SH3PXD2B: variants seen among roughly 807,000 people sequenced by gnomAD.
SH3PXD2B encodes the protein SH3 and PX domains 2B.
SH3PXD2B carries 37 observed loss-of-function variants against 73.1 expected under a neutral mutation model. That is an observed-to-expected ratio of 0.51 (90% CI 0.39 to 0.67). The LOEUF is 0.67. SH3PXD2B is among the 30% of genes least tolerant of loss of function. The pLI, the probability that SH3PXD2B is intolerant of heterozygous loss-of-function variation, is 0.00. For missense variants in SH3PXD2B, 1,053 were observed against 1,197.8 expected (o/e 0.88, Z 1.78); for synonymous variants, 457 against 480.5 (o/e 0.95, Z 0.64).
In SH3PXD2B at chr5:172,339,444, G is replaced by T. The variant is rs1167791216; in HGVS notation, c.1661C>A (p.Pro554His). 4 of 1,614,048 alleles carry T rather than the reference G, an allele frequency of 2.5e-6. 1 individual carries two copies. The South Asian group carries it at 4.4e-5, about 18-fold the overall frequency. ...CGGCAAAATCACGCCCGGAGGCTTG[G>T]GAGTGGGGCCCCGGAGCTGCTCCGT... ...QRTEQLRGPT[P>H]KPPGVILPMM... The change falls in exon 13 of 13, where the codon CCC (proline) becomes CAC (histidine). Residue 554 changes from proline (P) to histidine (H), a missense_variant. Around this residue, in one of 2 missense-constraint regions of SH3PXD2B, gnomAD observed 587 missense variants for 590.7 expected, o/e 0.99. Transcript: ENST00000311601. This position sits in a 1 kb window ranked among gnomAD's most constrained non-coding sequence, Gnocchi z 6.1.
chr5:172,333,756 A>G lies in SH3PXD2B; in HGVS notation c.*4613T>C. 7.8e-7 allele frequency: 1 copy of G among 1,289,400 alleles called. No homozygotes were observed. The highest frequency in any genetic ancestry group is 2.3e-5 in the Admixed American group (1 of 43,456). The allele number at this position is 1,289,400 out of a possible 1,614,324, so 79.9% of individuals were successfully genotyped here. On this transcript the variant is annotated 3_prime_UTR_variant, in exon 13 of 13. Transcript: ENST00000311601. ...TATGAGCAGACACGAGGTGGTGGGC[A>G]GTGCCCACTGTTCCTGGAGGGAGGT...
At chr5:172,439,494 C>T (rs1008346279) in intron 1 of SH3PXD2B, among the ~76,000 whole-genome samples, 1 of 152,066 alleles carries the variant, frequency 6.6e-6, no homozygotes, top group African/African-American at 2.4e-5. Flanking sequence ...GTGCTTGGCA[C>T]ACCATCTGGT....
At chr5:172,374,973 A>G (rs1352392884) in intron 5 of SH3PXD2B, among the ~76,000 whole-genome samples, 1 of 152,214 alleles carries the variant, frequency 6.6e-6, no homozygotes, top group Non-Finnish European at 1.5e-5. Context: ...TAATTTGCTC[A>G]AGGTCACACA....
chr5:172,411,519 T>C (rs938736904), intron 2 of SH3PXD2B, among the ~76,000 whole-genome samples: 1 of 152,198 alleles, frequency 6.6e-6, no homozygotes, highest in African/African-American at 2.4e-5. Flanking sequence ...ACATGACTGC[T>C]GGGGACCCAA....
chr5:172,375,346 C>T (rs113323624), intron 5 of SH3PXD2B, among the ~76,000 whole-genome samples: 221 of 152,224 alleles, frequency 1.5e-3, no homozygotes, highest in African/African-American at 5.1e-3. Context: ...GGAGACAGAC[C>T]GAGACTCTGT....
At chr5:172,453,554 C>T (rs1391637071) in intron 1 of SH3PXD2B, among the ~76,000 whole-genome samples, 2 of 152,208 alleles carry the variant, frequency 1.3e-5, no homozygotes, top group African/African-American at 4.8e-5. Flanking sequence ...GGACCTGCAA[C>T]CTCTGAGCCT....
intron 12 of SH3PXD2B, among the ~76,000 whole-genome samples, chr5:172,325,581 C>T (rs1283217798): frequency 6.6e-6 from 1 of 152,160 alleles, no homozygotes; most frequent in Non-Finnish European, 1.5e-5. Flanking sequence ...ATGGCCTTCT[C>T]GCTGGGTCCT....
chr5:172,432,419 C>G (rs1404036306), intron 1 of SH3PXD2B, among the ~76,000 whole-genome samples: 1 of 152,094 alleles, frequency 6.6e-6, no homozygotes, highest in Non-Finnish European at 1.5e-5. Context: ...GACAAGGATT[C>G]TTGTTAAGAG....
chr5:172,391,144 A>T (rs1191036844), intron 4 of SH3PXD2B, among the ~76,000 whole-genome samples: 3 of 151,938 alleles, frequency 2.0e-5, no homozygotes, highest in Non-Finnish European at 4.4e-5. Flanking sequence ...CCCGGCTTGC[A>T]GCTTCCTATC....
chr5:172,407,908 CG>C (rs1402155684), intron 2 of SH3PXD2B, among the ~76,000 whole-genome samples: 1 of 152,190 alleles, frequency 6.6e-6, no homozygotes, highest in Non-Finnish European at 1.5e-5. Flanking sequence ...GCCAACAAAG[CG>C]GAGGGGCCAG....
At chr5:172,401,539 T>C (rs1424226235) in intron 3 of SH3PXD2B, among the ~76,000 whole-genome samples, 1 of 152,126 alleles carries the variant, frequency 6.6e-6, no homozygotes, top group African/African-American at 2.4e-5. Flanking sequence ...GAATCCGGCA[T>C]CAAAATTGAG....
At chr5:172,384,096 C>T (rs1485169086) in intron 4 of SH3PXD2B, among the ~76,000 whole-genome samples, 6 of 151,984 alleles carry the variant, frequency 3.9e-5, no homozygotes, top group East Asian at 3.9e-4. Flanking sequence ...CCACCCACCT[C>T]GGCTCCCAAA....
At chr5:172,413,687 CTCTT>C (rs1305823877) in intron 2 of SH3PXD2B, among the ~76,000 whole-genome samples, 18 of 152,332 alleles carry the variant, frequency 1.2e-4, no homozygotes, top group Admixed American at 6.5e-4. Context: ...ATAATCATGC[CTCTT>C]TCTATTTTAG....
chr5:172,338,794 A>C lies in SH3PXD2B; in HGVS notation c.2311T>G (p.Ser771Ala). Reference protein sequence around the residue: ...RPPPPKKTSSSSRPLPEVRGP... With the variant: ...RPPPPKKTSSASRPLPEVRGP... ...CTGACCTCTGGGAGCGGCCTGGATG[A>C]CGAAGAGGTTTTCTTTGGGGGAGGT... The change falls in exon 13 of 13, where the codon TCA becomes GCA. Residue 771 changes from serine to alanine, a missense_variant. By Grantham distance (99) the Ser-to-Ala change is moderately conservative. Around this residue, in one of 2 missense-constraint regions of SH3PXD2B, gnomAD observed 587 missense variants for 590.7 expected, o/e 0.99. Coordinates refer to ENST00000311601, the MANE Select transcript of SH3PXD2B (RefSeq NM_001017995.3). This position sits in a 1 kb window ranked among gnomAD's most constrained non-coding sequence, Gnocchi z 5.1. 6.2e-7 allele frequency: 1 copy of C among 1,614,186 alleles called. No individual in the cohort carries two copies. Among genetic ancestry groups the C allele is most frequent in the Non-Finnish European group, 8.5e-7 (1 of 1,180,020 alleles).
At chr5:172,395,900 T>C (rs12654634) in intron 3 of SH3PXD2B, among the ~76,000 whole-genome samples, 45,793 of 149,474 alleles carry the variant, frequency 0.31, 7,451 homozygotes, top group East Asian at 0.66. Flanking sequence ...TACTAAGAGC[T>C]CTCTCTATTT....
chr5:172,377,232 C>T (rs1366448429), intron 5 of SH3PXD2B, among the ~76,000 whole-genome samples: 1 of 152,108 alleles, frequency 6.6e-6, no homozygotes, highest in Admixed American at 6.5e-5. Context: ...CCCAAGTTTT[C>T]CTACTCATGG....
At chr5:172,413,176 C>T (rs567019780) in intron 2 of SH3PXD2B, among the ~76,000 whole-genome samples, 12 of 152,338 alleles carry the variant, frequency 7.9e-5, no homozygotes, top group South Asian at 2.1e-4. Flanking sequence ...GGCCATCATG[C>T]GCAGCTGCAG....
chr5:172,440,618 G>A (rs561889989), intron 1 of SH3PXD2B, among the ~76,000 whole-genome samples: 30 of 152,288 alleles, frequency 2.0e-4, no homozygotes, highest in African/African-American at 7.0e-4. Context: ...TCCCACTTAG[G>A]GCTGGAAACT....
chr5:172,338,540 A>C lies in SH3PXD2B; in HGVS notation c.2565T>G (p.Tyr855Ter), dbSNP rs1441026094. ...PNADGLKDSL[Y>*]VAVADFEGDK... Reference sequence around the variant, plus strand: ...CTCCTTCAAAGTCGGCCACGGCCACATACAAAGAGTCCTTCAGGCCGTCGG... The same window carrying C: ...CTCCTTCAAAGTCGGCCACGGCCACCTACAAAGAGTCCTTCAGGCCGTCGG... The change falls in exon 13 of 13, where the codon TAT (tyrosine) becomes TAG (stop). Residue 855 changes from tyrosine (Y) to a stop codon, truncating the protein, a stop_gained. Transcript: ENST00000311601. LOFTEE classifies it high-confidence loss of function. The surrounding 1 kb of genome is among the most constrained non-coding windows in gnomAD (Gnocchi z 5.1). The C allele has an allele frequency of 6.2e-7, 1 of 1,614,192 alleles. No individual in the cohort carries two copies. The highest frequency in any genetic ancestry group is 1.7e-5 in the Admixed American group (1 of 60,032).
Sources: gnomAD v4.1 joint callset for allele counts (sites outside exome capture counted in the v4.1 genomes callset) on GRCh38, gnomAD v4.1.1 for gene constraint, gnomAD v4.1.1 regional missense constraint, Gnocchi (gnomAD v3.1) non-coding constraint, MANE v1.5 for transcripts, NCBI Gene and HGNC (gene_info 2026-07-23, HGNC 2026-07-21) for gene names.